The following SORCS3 variants were observed in gnomAD, a reference collection of about 807,000 sequenced individuals.
The protein encoded by SORCS3 is VPS10 domain-containing receptor SorCS3.
SORCS3 carries 57 observed loss-of-function variants against 146.3 expected under a neutral mutation model. The observed-to-expected ratio is 0.39, with a 90% CI of 0.31 to 0.49. SORCS3 has a LOEUF of 0.49. Among genes scored for constraint, SORCS3 ranks in the 20% least tolerant of loss-of-function variants. SORCS3 has a pLI of 0.92. For missense variants in SORCS3, 1,341 were observed against 1,575.5 expected, an observed-to-expected ratio of 0.85 and a Z score of 2.52; for synonymous variants, 653 against 618.5, an observed-to-expected ratio of 1.06 and a Z score of -0.83.
At chr10:104,673,461 GTTGT>G in intron 1 of SORCS3, among the ~76,000 whole-genome samples, 1 of 150,610 alleles carries the variant, frequency 6.6e-6, no homozygotes. Flanking sequence ...TTTTGATGTT[GTTGT>G]TTGTTCATTT....
intron 1 of SORCS3, among the ~76,000 whole-genome samples, chr10:104,777,346 G>A (rs1206392827): frequency 2.6e-5 from 4 of 152,172 alleles, no homozygotes; most frequent in African/African-American, 4.8e-5. Context: ...GTTACACACT[G>A]AGCTGCAGGC....
chr10:105,100,187 G>A (rs74157424), intron 6 of SORCS3, among the ~76,000 whole-genome samples: 3,707 of 152,266 alleles, frequency 0.024, 151 homozygotes, highest in African/African-American at 0.084. Context: ...CCTGGTGCAG[G>A]GAACAAAGCC....
chr10:105,211,285 T>A, intron 17 of SORCS3, 35 bp downstream of exon 17: 1 of 1,443,916 alleles, frequency 6.9e-7, no homozygotes, highest in Non-Finnish European at 9.7e-7. Flanking sequence ...CAGCTCCCTG[T>A]TTTCCTGTTT....
At position 104,741,700 on chromosome 10, in the gene SORCS3, G is replaced by GTTTTTTTTT. The variant is rs71022746; in HGVS notation, c.627+99770_627+99778dup. Among the ~76,000 whole-genome samples, 5 of 3,266 alleles carry GTTTTTTTTT rather than the reference G, an allele frequency of 1.5e-3. 1 individual carries two copies. Among genetic ancestry groups the GTTTTTTTTT allele is most frequent in the Non-Finnish European group, 2.8e-3 (5 of 1,784 alleles). 2.1% of individuals were successfully genotyped at this position (3,266 alleles called of 152,430 possible). ...CTTTCCTCTTTCCTTTCCATTCTGG[G>GTTTTTTTTT]TTTTTTTTTTTTTTTTTTTTTTTTT... is the stretch of plus-strand genomic sequence containing the variant. On this transcript the variant is annotated intron_variant, in intron 1 of 26. Coordinates refer to ENST00000369701, the MANE Select transcript of SORCS3 (RefSeq NM_014978.3).
intron 3 of SORCS3, among the ~76,000 whole-genome samples, chr10:104,973,999 A>G (rs1484651850): frequency 3.3e-5 from 5 of 151,794 alleles, no homozygotes; most frequent in Non-Finnish European, 4.4e-5. Context: ...CATGTAGTTG[A>G]GCGGTTTTGA....
chr10:105,187,601 G>A (rs982006443), intron 14 of SORCS3, among the ~76,000 whole-genome samples: 1 of 152,194 alleles, frequency 6.6e-6, no homozygotes, highest in East Asian at 1.9e-4. Flanking sequence ...ATGGAGGGAG[G>A]GAAAGGAGGA....
chr10:104,940,964 A>C lies in SORCS3; in HGVS notation c.795+25032A>C, dbSNP rs145930189. On this transcript the variant is annotated intron_variant, in intron 3 of 26. Coordinates refer to ENST00000369701, the MANE Select transcript of SORCS3 (RefSeq NM_014978.3). ...AAGCCAAAAGAAAAAAGCTGGAGGC[A>C]TCATGCTACCTGACTTCAAACTATC... Among the ~76,000 whole-genome samples the C allele has an allele frequency of 3.0e-3, 450 of 152,338 alleles. 2 individuals are homozygous for C. The highest frequency in any genetic ancestry group is 0.019 in the South Asian group (90 of 4,830).
chr10:105,188,000 C>G (rs990697516), intron 14 of SORCS3, among the ~76,000 whole-genome samples: 1 of 151,962 alleles, frequency 6.6e-6, no homozygotes, highest in Non-Finnish European at 1.5e-5. Context: ...GGTGCTGCTG[C>G]TGCTGGTGGT....
chr10:105,024,392 C>T (rs886152795), intron 4 of SORCS3, among the ~76,000 whole-genome samples: 1 of 152,070 alleles, frequency 6.6e-6, no homozygotes, highest in Non-Finnish European at 1.5e-5. Context: ...TGTCATGTTA[C>T]CAACATTGGA....
chr10:105,079,172 G>A (rs2055607449), intron 5 of SORCS3, among the ~76,000 whole-genome samples: 2 of 152,220 alleles, frequency 1.3e-5, no homozygotes, highest in Admixed American at 6.5e-5. Context: ...CAGCATCGGT[G>A]TTCCAACAAG....
chr10:104,851,764 G>C (rs775523826), intron 2 of SORCS3, among the ~76,000 whole-genome samples: 2 of 152,128 alleles, frequency 1.3e-5, no homozygotes, highest in African/African-American at 4.8e-5. Context: ...TATATATAAT[G>C]ACTATAAAGA....
chr10:105,203,229 T>G (rs2056584508), intron 16 of SORCS3, among the ~76,000 whole-genome samples: 1 of 152,174 alleles, frequency 6.6e-6, no homozygotes, highest in South Asian at 2.1e-4. Flanking sequence ...ATATACTAAG[T>G]GTAATTTAAG....
chr10:104,927,926 C>T (rs747688492), intron 3 of SORCS3, among the ~76,000 whole-genome samples: 11 of 151,228 alleles, frequency 7.3e-5, no homozygotes, highest in Non-Finnish European at 1.0e-4. Flanking sequence ...AGAGTGAATG[C>T]AGCACCAAGC....
At chr10:104,758,264 T>C (rs2017080023) in intron 1 of SORCS3, among the ~76,000 whole-genome samples, 2 of 152,200 alleles carry the variant, frequency 1.3e-5, no homozygotes, top group Non-Finnish European at 2.9e-5. Flanking sequence ...TATTATTCCA[T>C]TTTAAGTACT....
intron 14 of SORCS3, among the ~76,000 whole-genome samples, chr10:105,190,681 C>T (rs1298418001): frequency 1.3e-5 from 2 of 152,080 alleles, no homozygotes; most frequent in Non-Finnish European, 1.5e-5. Context: ...GGATTTCAGG[C>T]GTGAGCCACT....
intron 3 of SORCS3, among the ~76,000 whole-genome samples, chr10:104,926,698 T>C (rs1340546768): frequency 6.6e-6 from 1 of 152,210 alleles, no homozygotes; most frequent in Non-Finnish European, 1.5e-5. Context: ...ACTCATCACT[T>C]AAAGGAAAAA....
intron 9 of SORCS3, among the ~76,000 whole-genome samples, 189 bp from the exon 10 acceptor site, chr10:105,156,949 G>A (rs1170648034): frequency 1.3e-5 from 2 of 152,122 alleles, no homozygotes; most frequent in East Asian, 3.9e-4. Context: ...GTGACATAAG[G>A]TTCAGAGATG....
At chr10:104,745,028 C>G (rs986266027) in intron 1 of SORCS3, among the ~76,000 whole-genome samples, 1 of 152,184 alleles carries the variant, frequency 6.6e-6, no homozygotes, top group African/African-American at 2.4e-5. Flanking sequence ...GAATGATTAG[C>G]TACACTTAGT....
intron 4 of SORCS3, among the ~76,000 whole-genome samples, chr10:105,023,209 C>A (rs1057070526): frequency 1.3e-5 from 2 of 152,178 alleles, no homozygotes; most frequent in African/African-American, 4.8e-5. Flanking sequence ...GAAGCCAAAG[C>A]CCACACATAT....
Sources: allele counts gnomAD v4.1 joint callset (sites outside exome capture counted in the v4.1 genomes callset), GRCh38; gene constraint gnomAD v4.1.1; transcripts MANE v1.5; gene names NCBI Gene and HGNC (gene_info 2026-07-23, HGNC 2026-07-21).